PPP2R2B: variants seen among roughly 807,000 people sequenced by gnomAD.
PPP2R2B encodes the protein serine/threonine-protein phosphatase 2A 55 kDa regulatory subunit B beta isoform.
In PPP2R2B, 5 loss-of-function variants were observed where a neutral mutation model predicts 46.0. The observed-to-expected ratio is 0.11, with a 90% CI of 0.06 to 0.23. The LOEUF (loss-of-function observed/expected upper bound fraction) is 0.23, where lower values mean the gene tolerates loss of function less well. Among genes scored for constraint, PPP2R2B ranks in the 10% least tolerant of loss-of-function variants. The pLI is 1.00. For missense variants in PPP2R2B, 367 were observed against 575.0 expected (o/e 0.64, Z 3.70); for synonymous variants, 215 against 206.7 (o/e 1.04, Z -0.34).
intron 1 of PPP2R2B, among the ~76,000 whole-genome samples, chr5:147,053,214 T>TAA (rs746583520): frequency 1.2e-5 from 1 of 80,956 alleles, no homozygotes; most frequent in Admixed American, 1.2e-4. Flanking sequence ...CTTCCTGCAT[T>TAA]AAAAAAAAAA....
chr5:146,673,525 T>C (rs915917614), intron 5 of PPP2R2B, among the ~76,000 whole-genome samples: 2 of 151,918 alleles, frequency 1.3e-5, no homozygotes, highest in Non-Finnish European at 2.9e-5. Context: ...TAAAGTCTAA[T>C]ATTCGATAGT....
intron 2 of PPP2R2B, among the ~76,000 whole-genome samples, chr5:146,797,475 G>A (rs1756611566): frequency 6.6e-6 from 1 of 152,148 alleles, no homozygotes; most frequent in Admixed American, 6.5e-5. Flanking sequence ...ATTTTTAGCA[G>A]GAGGATGATA....
At chr5:146,898,671 A>G (rs1400292523) in intron 1 of PPP2R2B, among the ~76,000 whole-genome samples, 1 of 133,634 alleles carries the variant, frequency 7.5e-6, no homozygotes, top group Non-Finnish European at 1.5e-5. Context: ...AGAAACTACC[A>G]TCAGAGTGAA....
upstream of PPP2R2B, chr5:147,081,517 T>C: frequency 5.2e-6 from 3 of 581,120 alleles, no homozygotes; most frequent in South Asian, 2.2e-5. Flanking sequence ...TTTCCTTCTG[T>C]GATGGTGGGG....
At chr5:147,033,938 C>CA (rs1046501192) in intron 1 of PPP2R2B, among the ~76,000 whole-genome samples, 10 of 151,684 alleles carry the variant, frequency 6.6e-5, no homozygotes, top group Admixed American at 2.0e-4. Context: ...TTAAAAATAA[C>CA]AAAAAAAATT....
chr5:147,030,148 C>A (rs1308477849), intron 1 of PPP2R2B, among the ~76,000 whole-genome samples: 1 of 152,154 alleles, frequency 6.6e-6, no homozygotes, highest in Non-Finnish European at 1.5e-5. Flanking sequence ...TTCCTCCAGT[C>A]ACTTGTCTTC....
At chr5:146,782,457 A>G (rs1391669160) in intron 2 of PPP2R2B, among the ~76,000 whole-genome samples, 1 of 152,232 alleles carries the variant, frequency 6.6e-6, no homozygotes, top group East Asian at 1.9e-4. Flanking sequence ...GTGTACCCAC[A>G]AATTTATAAA....
intron 1 of PPP2R2B, among the ~76,000 whole-genome samples, chr5:147,012,329 T>G (rs1754778043): frequency 6.6e-6 from 1 of 152,208 alleles, no homozygotes; most frequent in Non-Finnish European, 1.5e-5. Flanking sequence ...GTTGAGGAAT[T>G]TATCCATTTC....
intron 7 of PPP2R2B, among the ~76,000 whole-genome samples, chr5:146,634,665 T>A (rs556966736): frequency 6.6e-6 from 1 of 152,182 alleles, no homozygotes; most frequent in South Asian, 2.1e-4. Flanking sequence ...AACACCACCA[T>A]CGGCTCTCCT....
intron 2 of PPP2R2B, among the ~76,000 whole-genome samples, chr5:146,770,583 C>G (rs1754790945): frequency 6.6e-6 from 1 of 152,058 alleles, no homozygotes; most frequent in African/African-American, 2.4e-5. Flanking sequence ...AACGTTTCTA[C>G]TTTTATGCTT....
At chr5:146,590,282 G>A (rs1435412879) in intron 9 of PPP2R2B, 56 bp from the exon 10 acceptor site, 6 of 1,480,738 alleles carry the variant, frequency 4.1e-6, no homozygotes, top group African/African-American at 2.0e-5. Flanking sequence ...TCTTTTTGGA[G>A]CAAATGATAC....
In PPP2R2B at chr5:147,018,613, G is replaced by A. The variant is rs181495570; in HGVS notation, c.79+37052C>T. 1.8e-3 allele frequency among the ~76,000 whole-genome samples: 268 copies of A among 152,154 alleles called. 3 individuals carry two copies. The highest frequency in any genetic ancestry group is 5.8e-3 in the African/African-American group (241 of 41,484). ...AAAATATAGTAAATGTTGATGTAAC[G>A]ATGAGAAACCCAGCTTAGTTAACTA... On this transcript the variant is annotated intron_variant, in intron 1 of 8. Transcript: ENST00000336640.
chr5:146,935,472 G>A (rs914475561), intron 1 of PPP2R2B, among the ~76,000 whole-genome samples: 1 of 152,148 alleles, frequency 6.6e-6, no homozygotes, highest in Non-Finnish European at 1.5e-5. Flanking sequence ...GTCTAATGAA[G>A]GACACAGACA....
At chr5:146,957,658 T>C (rs1006958154) in intron 1 of PPP2R2B, among the ~76,000 whole-genome samples, 3 of 152,106 alleles carry the variant, frequency 2.0e-5, no homozygotes, top group East Asian at 1.9e-4. Flanking sequence ...GTTATGTAGG[T>C]TGTACTCTAC....
chr5:146,584,440 C>T lies in PPP2R2B; in HGVS notation c.*5507G>A, dbSNP rs1770039278. 1 of 152,152 alleles carries T rather than the reference C, an allele frequency of 6.6e-6. No homozygotes were observed. Among genetic ancestry groups the T allele is most frequent in the South Asian group, 2.1e-4 (1 of 4,826 alleles). 9.4% of individuals were successfully genotyped at this position (152,152 alleles called of 1,614,324 possible). Reference sequence around the variant, plus strand: ...AGAGAAATGGCGTGTTTGTGAGTATCCACGCTAGGGAAAATAATCAAGCCA... The same window carrying T: ...AGAGAAATGGCGTGTTTGTGAGTATTCACGCTAGGGAAAATAATCAAGCCA... On this transcript the variant is annotated 3_prime_UTR_variant, in exon 10 of 10. Transcript: ENST00000394411.
At position 146,689,150 on chromosome 5, in the gene PPP2R2B, G is replaced by C. The variant is rs563571251; in HGVS notation, c.447+1978C>G. Among the ~76,000 whole-genome samples the C allele has an allele frequency of 3.3e-5, 5 of 152,218 alleles. No individual in the cohort carries two copies. The South Asian group carries it at 1.0e-3, about 32-fold the overall frequency. ...GTTATTAATACTAAAACAACAGAAG[G>C]GAACTAACATCATTGAGTGCTTTTT... On this transcript the variant is annotated intron_variant, in intron 5 of 9. Coordinates refer to ENST00000394411, the MANE Select transcript of PPP2R2B (RefSeq NM_181675.4).
At chr5:146,716,293 C>T (rs973198439) in intron 2 of PPP2R2B, among the ~76,000 whole-genome samples, 1 of 152,096 alleles carries the variant, frequency 6.6e-6, no homozygotes, top group African/African-American at 2.4e-5. Context: ...ACTCTTTGTA[C>T]TTTTACATGA....
At chr5:146,623,877 A>G (rs897774797) in intron 7 of PPP2R2B, among the ~76,000 whole-genome samples, 1 of 152,136 alleles carries the variant, frequency 6.6e-6, no homozygotes, top group Non-Finnish European at 1.5e-5. Context: ...TGGACAGCAG[A>G]TCTCACAATT....
At chr5:146,712,465 T>A (rs1780266608) in intron 2 of PPP2R2B, among the ~76,000 whole-genome samples, 1 of 152,234 alleles carries the variant, frequency 6.6e-6, no homozygotes, top group Non-Finnish European at 1.5e-5. Context: ...ATAAAGGCAG[T>A]ATAGTAAATA....
Sources: allele counts gnomAD v4.1 joint callset (sites outside exome capture counted in the v4.1 genomes callset), GRCh38; gene constraint gnomAD v4.1.1; transcripts MANE v1.5; gene names NCBI Gene and HGNC (gene_info 2026-07-23, HGNC 2026-07-21).